Variants in DCLK1 observed in about 807,000 individuals in gnomAD.
DCLK1 encodes serine/threonine-protein kinase DCLK1.
In DCLK1, 16 loss-of-function variants were observed where a neutral mutation model predicts 86.2. The observed-to-expected ratio is 0.19, with a 90% CI of 0.13 to 0.28. The LOEUF is 0.28. Among genes scored for constraint, DCLK1 ranks in the 10% least tolerant of loss-of-function variants. DCLK1 has a pLI of 1.00. For missense variants in DCLK1, 590 were observed against 940.2 expected (o/e 0.63, Z 4.87); for synonymous variants, 369 against 370.5 (o/e 1.00, Z 0.05).
At chr13:36,039,038 G>A (rs537581614) in intron 3 of DCLK1, among the ~76,000 whole-genome samples, 3 of 152,168 alleles carry the variant, frequency 2.0e-5, no homozygotes, top group South Asian at 2.1e-4. Context: ...TTCGTCAGGC[G>A]CCTACCAATG....
At chr13:35,875,189 A>C (rs1265932099) in intron 4 of DCLK1, among the ~76,000 whole-genome samples, 1 of 152,260 alleles carries the variant, frequency 6.6e-6, no homozygotes, top group East Asian at 1.9e-4. Context: ...ATTTTAAATA[A>C]AAATCAAGAT....
chr13:36,052,547 A>T (rs1316372821), intron 3 of DCLK1, among the ~76,000 whole-genome samples: 1 of 152,140 alleles, frequency 6.6e-6, no homozygotes, highest in Non-Finnish European at 1.5e-5. Context: ...TAGGACAAAC[A>T]CTAGGAATAG....
chr13:35,858,918 C>A (rs1183860995), intron 5 of DCLK1, among the ~76,000 whole-genome samples: 1 of 152,188 alleles, frequency 6.6e-6, no homozygotes, highest in Non-Finnish European at 1.5e-5. Context: ...GCATTAGCAA[C>A]TTCTTAAAAT....
chr13:35,850,296 GT>G, intron 6 of DCLK1: 1 of 985,032 alleles, frequency 1.0e-6, no homozygotes, highest in Non-Finnish European at 1.2e-6. Flanking sequence ...TGCTAGTGCC[GT>G]TTTAATATGC....
intron 3 of DCLK1, among the ~76,000 whole-genome samples, chr13:35,966,694 CG>C (rs1878758298): frequency 6.6e-6 from 1 of 152,032 alleles, no homozygotes; most frequent in Admixed American, 6.6e-5. Flanking sequence ...TTGGTGGAGA[CG>C]GGGTTTCGCC....
chr13:35,805,962 G>A (rs2087018540), intron 14 of DCLK1, among the ~76,000 whole-genome samples, 183 bp from the exon 15 acceptor site: 1 of 152,148 alleles, frequency 6.6e-6, no homozygotes, highest in Non-Finnish European at 1.5e-5. Flanking sequence ...GTAAGCACTT[G>A]GAATTGTAAA....
At chr13:36,127,943 G>A (rs1464047898) in intron 1 of DCLK1, among the ~76,000 whole-genome samples, 2 of 152,192 alleles carry the variant, frequency 1.3e-5, no homozygotes, top group African/African-American at 4.8e-5. Context: ...CAGGCATGTT[G>A]AAATAGAATA....
intron 3 of DCLK1, among the ~76,000 whole-genome samples, chr13:36,079,961 C>G (rs1031790103): frequency 1.3e-5 from 2 of 152,196 alleles, no homozygotes; most frequent in African/African-American, 4.8e-5. Flanking sequence ...CATTACTTAT[C>G]CTTACCAATG....
intron 4 of DCLK1, among the ~76,000 whole-genome samples, chr13:35,879,306 G>A (rs1055389573): frequency 2.4e-4 from 37 of 152,260 alleles, no homozygotes; most frequent in East Asian, 1.9e-4. Flanking sequence ...TCCAGATGGC[G>A]CCCACGTGTT....
chr13:35,947,778 A>G (rs1011841292), intron 3 of DCLK1, among the ~76,000 whole-genome samples: 1 of 152,186 alleles, frequency 6.6e-6, no homozygotes, highest in Non-Finnish European at 1.5e-5. Flanking sequence ...TCCTCTTCGG[A>G]ATGTAATACT....
At chr13:36,116,265 T>C (rs1445055760) in intron 2 of DCLK1, among the ~76,000 whole-genome samples, 2 of 152,182 alleles carry the variant, frequency 1.3e-5, no homozygotes, top group African/African-American at 4.8e-5. Context: ...TTTTAAATGA[T>C]CATACTGGCC....
At chr13:35,875,332 C>T (rs1023538661) in intron 4 of DCLK1, among the ~76,000 whole-genome samples, 2 of 152,180 alleles carry the variant, frequency 1.3e-5, no homozygotes, top group Non-Finnish European at 2.9e-5. Flanking sequence ...AGAAAGCTAA[C>T]AGATGGTACA....
chr13:35,804,703 G>A (rs1019041885), intron 15 of DCLK1, among the ~76,000 whole-genome samples: 4 of 152,188 alleles, frequency 2.6e-5, no homozygotes. Flanking sequence ...AAAGTGCTGG[G>A]ATTACAGGCG....
At chr13:35,992,442 G>A (rs1404742434) in intron 3 of DCLK1, among the ~76,000 whole-genome samples, 1 of 124,454 alleles carries the variant, frequency 8.0e-6, no homozygotes, top group Non-Finnish European at 1.8e-5. Context: ...AAAAGAAAGT[G>A]CTTTTTTTTT....
intron 16 of DCLK1, among the ~76,000 whole-genome samples, chr13:35,791,689 A>G (rs1164709183): frequency 6.6e-6 from 1 of 152,184 alleles, no homozygotes; most frequent in Non-Finnish European, 1.5e-5. Context: ...CTGTGAACAA[A>G]CAAATATTGA....
chr13:35,990,559 G>A (rs1159013674), intron 3 of DCLK1, among the ~76,000 whole-genome samples: 1 of 152,110 alleles, frequency 6.6e-6, no homozygotes, highest in Non-Finnish European at 1.5e-5. Context: ...CTGCAGTAGA[G>A]ACAGTGGCTG....
intron 6 of DCLK1, chr13:35,847,571 T>C: frequency 1.0e-6 from 1 of 969,302 alleles, no homozygotes; most frequent in Non-Finnish European, 1.2e-6. Flanking sequence ...TATATATTCA[T>C]TCACTTTCAT....
At chr13:36,101,194 C>T (rs7996094) in intron 3 of DCLK1, among the ~76,000 whole-genome samples, 2,832 of 152,328 alleles carry the variant, frequency 0.019, 24 homozygotes, top group South Asian at 0.029. Context: ...ACAGCATGCA[C>T]ATGCACTTTG....
At chr13:35,937,554 A>G (rs533045733) in intron 4 of DCLK1, among the ~76,000 whole-genome samples, 6 of 152,166 alleles carry the variant, frequency 3.9e-5, no homozygotes, top group Non-Finnish European at 8.8e-5. Context: ...TTGAATGACT[A>G]TTATGTAGGA....
Sources: allele counts gnomAD v4.1 joint callset (sites outside exome capture counted in the v4.1 genomes callset), GRCh38; gene constraint gnomAD v4.1.1; transcripts MANE v1.5; gene names NCBI Gene and HGNC (gene_info 2026-07-23, HGNC 2026-07-21).